Variants in FCMR observed in about 807,000 individuals in gnomAD.
FCMR encodes the protein Fc mu receptor.
FCMR carries 34 observed loss-of-function variants against 41.6 expected under a neutral mutation model. The observed-to-expected ratio is 0.82, with a 90% CI of 0.62 to 1.09. The LOEUF (loss-of-function observed/expected upper bound fraction) is 1.09, where lower values mean the gene tolerates loss of function less well. Ranked by LOEUF, FCMR falls within the 50% of genes least tolerant of loss-of-function variation. The pLI is 0.00. For missense variants in FCMR, 496 were observed against 512.5 expected (o/e 0.97, Z 0.31); for synonymous variants, 209 against 211.8 (o/e 0.99, Z 0.12).
intron 3 of FCMR, 81 bp downstream of exon 3, chr1:206,912,843 ATGAAC>A: frequency 3.2e-6 from 3 of 939,130 alleles, no homozygotes; most frequent in Non-Finnish European, 5.3e-6. Flanking sequence ...CAGCCACTCT[ATGAAC>A]TGAACATAGA....
chr1:206,918,650 AGTGTGT>A (rs10652847), intron 1 of FCMR, among the ~76,000 whole-genome samples: 12,057 of 145,928 alleles, frequency 0.083, 934 homozygotes, highest in African/African-American at 0.19. Flanking sequence ...ATAAATTTTA[AGTGTGT>A]GTGTGTGTGT....
At chr1:206,922,072 G>A (rs913918462), upstream of FCMR, 2 of 594,794 alleles carry the variant, frequency 3.4e-6, no homozygotes, top group East Asian at 2.8e-5. Flanking sequence ...GAAGTCAGGA[G>A]CTGAGAAAAC....
At chr1:206,921,165 G>A (rs1679424242) in intron 1 of FCMR, among the ~76,000 whole-genome samples, 1 of 152,210 alleles carries the variant, frequency 6.6e-6, no homozygotes, top group Admixed American at 6.5e-5. Flanking sequence ...TTCATTTAGG[G>A]TTGAAAGTTG....
chr1:206,911,238 G>GTT (rs34410700), intron 4 of FCMR, among the ~76,000 whole-genome samples: 1,492 of 146,016 alleles, frequency 0.01, 21 homozygotes, highest in African/African-American at 0.028. Context: ...TTATTATAGG[G>GTT]TTTTTTTTTT....
intron 7 of FCMR, among the ~76,000 whole-genome samples, chr1:206,907,120 C>CGGGGGGGGGGGGGGGGGGGGGGGGA (rs1678697143): frequency 2.5e-5 from 1 of 40,808 alleles, no homozygotes; most frequent in Admixed American, 2.4e-4. Flanking sequence ...GGGGTGGGGG[C>CGGGGGGGGGGGGGGGGGGGGGGGGA]GGGGTGGGGA....
intron 7 of FCMR, chr1:206,908,084 TGGA>T: frequency 8.7e-7 from 1 of 1,148,162 alleles, no homozygotes; most frequent in Non-Finnish European, 1.3e-6. Context: ...ATAACCACCC[TGGA>T]GGAGAAGTGG....
rs1457983381 is a variant in FCMR, at chr1:206,909,659, G to A, written c.985+66C>T. 2 of 1,352,742 alleles carry A rather than the reference G, an allele frequency of 1.5e-6. No homozygotes were observed. Among genetic ancestry groups the A allele is most frequent in the African/African-American group, 3.1e-5 (2 of 64,890 alleles). 83.8% of individuals were successfully genotyped at this position (1,352,742 alleles called of 1,614,324 possible). ...CTGGCACCTGGGAGCGCGCCCCGCTGCGCCCGGCTTTCCCGGAGCCAGCGC... is the reference window on the plus strand; with the variant it reads ...CTGGCACCTGGGAGCGCGCCCCGCTACGCCCGGCTTTCCCGGAGCCAGCGC... On this transcript the variant is annotated intron_variant, in intron 6 of 7. Transcript: ENST00000367091. This position sits in a 1 kb window ranked among gnomAD's most constrained non-coding sequence, Gnocchi z 5.0.
In FCMR at chr1:206,909,442, A is replaced by G; in HGVS notation, c.1044+20T>C. 8.1e-7 allele frequency: 1 copy of G among 1,230,310 alleles called. No homozygotes were observed. The highest frequency in any genetic ancestry group is 3.2e-5 in the East Asian group (1 of 31,646). The allele number at this position is 1,230,310 out of a possible 1,614,324, so 76.2% of individuals were successfully genotyped here. A position where few individuals can be genotyped will look rare whatever the true frequency, so the allele number is the denominator to read the frequency against. On this transcript the variant is annotated intron_variant, in intron 7 of 7. Coordinates refer to ENST00000367091, the MANE Select transcript of FCMR (RefSeq NM_005449.5). This position sits in a 1 kb window ranked among gnomAD's most constrained non-coding sequence, Gnocchi z 5.0. ...CCCAGTCGGGCCGCGGCTGCCAATC[A>G]GGGCAGGAGCGGAGCTTACCTGCAG...
upstream of FCMR, among the ~76,000 whole-genome samples, chr1:206,922,981 G>C (rs2102587233): frequency 6.6e-6 from 1 of 152,308 alleles, no homozygotes; most frequent in African/African-American, 2.4e-5. Flanking sequence ...CACAGGCATG[G>C]AAGTGCTTTA....
upstream of FCMR, chr1:206,922,017 C>T (rs1377257675): frequency 1.5e-6 from 1 of 648,228 alleles, no homozygotes; most frequent in Admixed American, 2.8e-5. Flanking sequence ...CCCTTGTTTG[C>T]TAACTATTCT....
At chr1:206,916,777 T>C (rs1679213705) in intron 1 of FCMR, among the ~76,000 whole-genome samples, 1 of 152,226 alleles carries the variant, frequency 6.6e-6, no homozygotes, top group South Asian at 2.1e-4. Context: ...ATGAGACTCA[T>C]CTGAGGAGAT....
rs756980744 is a variant in FCMR at position 206,903,606 on chromosome 1, T to C, written c.*1413A>G. The stretch of plus-strand genomic sequence containing the variant: ...GGGGTGGGGGTAAGGTGCATCTGTT[T>C]GAAAAGTAAACGATAAAATGTGGAT... On this transcript the variant is annotated 3_prime_UTR_variant, in exon 8 of 8. Coordinates refer to ENST00000367091, the MANE Select transcript of FCMR (RefSeq NM_005449.5). 6.5e-6 allele frequency: 1 copy of C among 153,138 alleles called. No homozygotes were observed. The highest frequency in any genetic ancestry group is 2.4e-5 in the African/African-American group (1 of 41,448). The allele number at this position is 153,138 out of a possible 1,614,324, so 9.5% of individuals were successfully genotyped here.
chr1:206,908,967 A>G (rs1195023284), intron 7 of FCMR, among the ~76,000 whole-genome samples: 1 of 145,370 alleles, frequency 6.9e-6, no homozygotes, highest in Non-Finnish European at 1.5e-5. Flanking sequence ...AACCCTGTCT[A>G]CATCTCTCCC....
In FCMR at chr1:206,909,709, C is replaced by T. The variant is rs1238606341; in HGVS notation, c.985+16G>A. The T allele has an allele frequency of 5.6e-6, 8 of 1,416,552 alleles. No individual in the cohort carries two copies. Among genetic ancestry groups the T allele is most frequent in the Non-Finnish European group, 7.3e-6 (8 of 1,097,454 alleles). 87.7% of individuals were successfully genotyped at this position (1,416,552 alleles called of 1,614,324 possible). A position where few individuals can be genotyped will look rare whatever the true frequency, so the allele number is the denominator to read the frequency against. ...CACTCTTTCCGCTACTCCCCGTGGC[C>T]CGCCCGGCGGCTCACCTGCAGCGTC... On this transcript the variant is annotated intron_variant, in intron 6 of 7. Transcript: ENST00000367091. This position sits in a 1 kb window ranked among gnomAD's most constrained non-coding sequence, Gnocchi z 5.0.
chr1:206,914,397 CTCTT>C (rs1247567889), intron 1 of FCMR, among the ~76,000 whole-genome samples: 4 of 128,730 alleles, frequency 3.1e-5, no homozygotes, highest in Admixed American at 8.0e-5. Context: ...TCTCTCTTTT[CTCTT>C]TCTTTCTTTC....
intron 1 of FCMR, among the ~76,000 whole-genome samples, chr1:206,920,897 G>T (rs1679410109): frequency 6.6e-6 from 1 of 152,204 alleles, no homozygotes; most frequent in Non-Finnish European, 1.5e-5. Context: ...CCATTGACTG[G>T]ATCAAGGTCT....
intron 1 of FCMR, among the ~76,000 whole-genome samples, chr1:206,914,897 C>G (rs952796720): frequency 6.6e-6 from 1 of 152,164 alleles, no homozygotes; most frequent in Non-Finnish European, 1.5e-5. Context: ...GACCCAGACA[C>G]TAAACCATTG....
chr1:206,913,955 A>T lies in FCMR; in HGVS notation c.177T>A (p.Gly59=), dbSNP rs779507191. The T allele has an allele frequency of 6.2e-6, 10 of 1,614,194 alleles. No homozygotes were observed. In the East Asian group the frequency reaches 1.6e-4, roughly 25 times the overall value. Residue 59 remains glycine (G), a synonymous_variant, in exon 2 of 8, where the codon GGT becomes GGA. Transcript: ENST00000367091. ...TGAAGTTGGTGGTGGATACCACGGT[A>T]CCACATGTTCCAGATCCAGCCATCT... ...CREMAGSGTC[G]TVVSTTNFIK...
chr1:206,918,807 A>C (rs1343167644), intron 1 of FCMR, among the ~76,000 whole-genome samples: 1 of 151,992 alleles, frequency 6.6e-6, no homozygotes, highest in Non-Finnish European at 1.5e-5. Flanking sequence ...TTTATTATAG[A>C]GCTCTACACA....
Sources: allele counts gnomAD v4.1 joint callset (sites outside exome capture counted in the v4.1 genomes callset), GRCh38; gene constraint gnomAD v4.1.1; non-coding constraint Gnocchi (gnomAD v3.1); transcripts MANE v1.5; gene names NCBI Gene and HGNC (gene_info 2026-07-23, HGNC 2026-07-21).